LSAMP: variants seen among roughly 807,000 people sequenced by gnomAD.
LSAMP encodes limbic system associated membrane protein, also known as limbic system-associated membrane protein.
A neutral mutation model predicts 38.6 loss-of-function variants in LSAMP; 7 were observed. That is an observed-to-expected ratio of 0.18 (90% CI 0.10 to 0.34). The LOEUF is 0.34. Ranked by LOEUF, LSAMP falls within the 10% of genes least tolerant of loss-of-function variation. LSAMP has a pLI of 1.00. For synonymous variants in LSAMP, 154 were observed against 166.8 expected (o/e 0.92, Z 0.59); for missense variants, 313 against 420.0 (o/e 0.75, Z 2.23).
intron 1 of LSAMP, among the ~76,000 whole-genome samples, chr3:116,172,594 T>C (rs1171712936): frequency 6.6e-6 from 1 of 152,028 alleles, no homozygotes; most frequent in Non-Finnish European, 1.5e-5. Context: ...CCAAGAAAGA[T>C]GGTAGCAATG....
intron 1 of LSAMP, among the ~76,000 whole-genome samples, chr3:116,203,424 G>C (rs1007049829): frequency 2.6e-5 from 4 of 151,334 alleles, no homozygotes; most frequent in African/African-American, 4.9e-5. Flanking sequence ...TATACTTTAA[G>C]TTTTAGGGTA....
chr3:116,439,633 C>G (rs1050852471), intron 1 of LSAMP, among the ~76,000 whole-genome samples: 1 of 152,236 alleles, frequency 6.6e-6, no homozygotes, highest in Non-Finnish European at 1.5e-5. Context: ...TTGTGTAGCA[C>G]TTTATAATTC....
intron 3 of LSAMP, among the ~76,000 whole-genome samples, chr3:116,001,538 G>A (rs1433771074): frequency 6.6e-6 from 1 of 152,154 alleles, no homozygotes; most frequent in Non-Finnish European, 1.5e-5. Flanking sequence ...TAGAGTCCTG[G>A]AGGTGAGAAG....
chr3:115,981,891 T>C (rs74729256), intron 3 of LSAMP, among the ~76,000 whole-genome samples: 2,058 of 152,292 alleles, frequency 0.014, 48 homozygotes, highest in African/African-American at 0.045. Context: ...AACCTTTACA[T>C]AGTTATCTAA....
At chr3:116,091,002 A>T (rs1408282609) in intron 1 of LSAMP, among the ~76,000 whole-genome samples, 1 of 152,140 alleles carries the variant, frequency 6.6e-6, no homozygotes, top group Non-Finnish European at 1.5e-5. Flanking sequence ...ATTAGGTGGG[A>T]ATTTCCTCTT....
intron 3 of LSAMP, among the ~76,000 whole-genome samples, chr3:115,895,985 T>C (rs1299705860): frequency 6.6e-6 from 1 of 152,164 alleles, no homozygotes; most frequent in African/African-American, 2.4e-5. Flanking sequence ...TGTACAACAT[T>C]GATACCATTA....
chr3:116,345,311 T>C (rs953813214), intron 1 of LSAMP, among the ~76,000 whole-genome samples: 4 of 152,200 alleles, frequency 2.6e-5, no homozygotes, highest in Non-Finnish European at 5.9e-5. Flanking sequence ...ATCATTATAC[T>C]ATAGTTATAA....
chr3:116,204,794 G>T (rs1024269021), intron 1 of LSAMP, among the ~76,000 whole-genome samples: 1 of 149,732 alleles, frequency 6.7e-6, no homozygotes, highest in Non-Finnish European at 1.5e-5. Context: ...ATGCTGTTTT[G>T]GTTACTGTAG....
At chr3:116,321,372 C>CA (rs1166839194) in intron 1 of LSAMP, among the ~76,000 whole-genome samples, 4 of 151,426 alleles carry the variant, frequency 2.6e-5, no homozygotes, top group African/African-American at 9.7e-5. Context: ...AGGTCTGCCT[C>CA]AAAAAAACAA....
intron 1 of LSAMP, among the ~76,000 whole-genome samples, chr3:116,241,410 T>C (rs1364588638): frequency 2.0e-5 from 3 of 151,330 alleles, no homozygotes; most frequent in Admixed American, 6.6e-5. Flanking sequence ...CTACTAATAA[T>C]ATAAAAATTA....
At chr3:115,920,662 T>G (rs1937361289) in intron 3 of LSAMP, among the ~76,000 whole-genome samples, 1 of 152,166 alleles carries the variant, frequency 6.6e-6, no homozygotes, top group African/African-American at 2.4e-5. Context: ...GAATGTGTAT[T>G]CTGTTGCTGT....
In LSAMP at chr3:115,803,664, GA is replaced by G. The variant is rs1418420610; in HGVS notation, c.*6652del. 2 of 151,788 alleles carry G rather than the reference GA, an allele frequency of 1.3e-5. No homozygotes were observed. Among genetic ancestry groups the G allele is most frequent in the East Asian group, 1.9e-4 (1 of 5,178 alleles). The allele number at this position is 151,788 out of a possible 1,614,324, so 9.4% of individuals were successfully genotyped here. On this transcript the variant is annotated 3_prime_UTR_variant, in exon 7 of 7. Coordinates refer to ENST00000490035, the MANE Select transcript of LSAMP (RefSeq NM_002338.5). ...TAAATAGAATTGACTTGTACTTTTT[GA>G]AAACAATACTTGTTTTCTCTCCATC...
intron 1 of LSAMP, among the ~76,000 whole-genome samples, chr3:116,341,050 G>A (rs2047988080): frequency 6.6e-6 from 1 of 151,994 alleles, no homozygotes; most frequent in Non-Finnish European, 1.5e-5. Flanking sequence ...TATGGATCCA[G>A]ATGGCTTCCA....
chr3:115,920,552 G>A (rs1246340720), intron 3 of LSAMP, among the ~76,000 whole-genome samples: 1 of 151,978 alleles, frequency 6.6e-6, no homozygotes, highest in East Asian at 1.9e-4. Flanking sequence ...TCTTAGATCA[G>A]GTTTTTTGTT....
At chr3:116,335,385 C>A (rs1011641936) in intron 1 of LSAMP, among the ~76,000 whole-genome samples, 1 of 151,914 alleles carries the variant, frequency 6.6e-6, no homozygotes. Context: ...TATGGAATAT[C>A]AAAAGGATCC....
Position 116,014,018 on chromosome 3 carries a change from A to G in LSAMP, c.514+5497T>C, listed in dbSNP as rs538039484. Among the ~76,000 whole-genome samples the G allele has an allele frequency of 7.6e-4, 116 of 152,262 alleles. 5 individuals carry two copies. In the South Asian group the frequency reaches 0.024, roughly 31 times the overall value. On this transcript the variant is annotated intron_variant, in intron 3 of 6. Transcript: ENST00000490035. The stretch of plus-strand genomic sequence containing the variant: ...ATGGCCCTGTTTTATGGTCTCATTG[A>G]ATGCCATAATTTTTCCTCATAATGA...
At chr3:115,900,109 C>T (rs1003151956) in intron 3 of LSAMP, among the ~76,000 whole-genome samples, 16 of 152,296 alleles carry the variant, frequency 1.1e-4, no homozygotes, top group African/African-American at 3.8e-4. Flanking sequence ...ACATTCAATA[C>T]ATCAGAGAAT....
Position 116,123,884 on chromosome 3 carries a change from A to G in LSAMP, c.156-37328T>C, listed in dbSNP as rs139328710. 3.9e-5 allele frequency among the ~76,000 whole-genome samples: 6 copies of G among 152,314 alleles called. No individual in the cohort carries two copies. In the East Asian group the frequency reaches 1.2e-3, roughly 29 times the overall value. ...GCATGATTTGGAGAAAAGACTATTC[A>G]CTAAGAAACTATAAGAATACAACTC... On this transcript the variant is annotated intron_variant, in intron 1 of 6. Transcript: ENST00000490035.
chr3:116,131,295 G>C (rs960285688), intron 1 of LSAMP, among the ~76,000 whole-genome samples: 1 of 152,008 alleles, frequency 6.6e-6, no homozygotes, highest in Non-Finnish European at 1.5e-5. Flanking sequence ...CCGGCCTAAG[G>C]TTCCACACTT....
Sources: gnomAD v4.1 joint callset for allele counts (sites outside exome capture counted in the v4.1 genomes callset) on GRCh38, gnomAD v4.1.1 for gene constraint, MANE v1.5 for transcripts, NCBI Gene and HGNC (gene_info 2026-07-23, HGNC 2026-07-21) for gene names.